PLXNA4: variants seen among roughly 807,000 people sequenced by gnomAD.
PLXNA4 encodes plexin-A4.
A neutral mutation model predicts 191.8 loss-of-function variants in PLXNA4; 44 were observed. That is an observed-to-expected ratio of 0.23 (90% CI 0.18 to 0.29). The LOEUF (loss-of-function observed/expected upper bound fraction) is 0.29, where lower values mean the gene tolerates loss of function less well. PLXNA4 is among the 10% of genes least tolerant of loss of function. The pLI, the probability that PLXNA4 is intolerant of heterozygous loss-of-function variation, is 1.00. For synonymous variants in PLXNA4, 1,082 were observed against 1,009.5 expected, an observed-to-expected ratio of 1.07 and a Z score of -1.36; for missense variants, 1,800 against 2,488.8, an observed-to-expected ratio of 0.72 and a Z score of 5.89.
chr7:132,168,485 T>C lies in PLXNA4; in HGVS notation c.4105A>G (p.Ile1369Val). 3 of 1,613,890 alleles carry C rather than the reference T, an allele frequency of 1.9e-6. No individual in the cohort carries two copies. The highest frequency in any genetic ancestry group is 1.7e-6 in the Non-Finnish European group (2 of 1,179,842). Residue 1369 changes from isoleucine to valine, a missense_variant, in exon 22 of 32, where the codon ATC becomes GTC. By Grantham distance (29) the Ile-to-Val change is conservative. Coordinates refer to ENST00000321063, the MANE Select transcript of PLXNA4 (RefSeq NM_020911.2). ...INNKVFLLSF[I>V]RTLESQRSFS... ...CTACGCTGGGACTCAAGCGTGCGGA[T>C]GAAGGACAGCAGGAACACCTTGTTG... is the stretch of plus-strand genomic sequence containing the variant.
intron 15 of PLXNA4, 105 bp from the exon 16 acceptor site, chr7:132,185,568 G>A (rs1796852213): frequency 6.9e-7 from 1 of 1,456,682 alleles, no homozygotes; most frequent in African/African-American, 1.4e-5. Context: ...GATGCTCAGA[G>A]GCCATGGGTG....
chr7:132,333,297 C>T (rs1184671079), intron 3 of PLXNA4, among the ~76,000 whole-genome samples: 1 of 152,196 alleles, frequency 6.6e-6, no homozygotes, highest in African/African-American at 2.4e-5. Context: ...CAATTTGGCA[C>T]AGGTATGCAG....
intron 3 of PLXNA4, among the ~76,000 whole-genome samples, chr7:132,397,375 C>A (rs910527744): frequency 2.6e-5 from 4 of 152,096 alleles, no homozygotes; most frequent in Admixed American, 6.6e-5. Context: ...TACTGAGATG[C>A]GTCTTTGATG....
At chr7:132,396,533 A>G (rs1311851023) in intron 3 of PLXNA4, among the ~76,000 whole-genome samples, 1 of 152,004 alleles carries the variant, frequency 6.6e-6, no homozygotes, top group Non-Finnish European at 1.5e-5. Context: ...CCCTATCACC[A>G]AGTATGGAGT....
intron 3 of PLXNA4, among the ~76,000 whole-genome samples, chr7:132,361,634 G>A (rs1285316630): frequency 6.6e-6 from 1 of 152,218 alleles, no homozygotes; most frequent in African/African-American, 2.4e-5. Context: ...AAGGAGGAAA[G>A]GTTAGAGCAG....
chr7:132,142,617 T>C (rs766377198), intron 29 of PLXNA4, among the ~76,000 whole-genome samples: 25 of 152,218 alleles, frequency 1.6e-4, no homozygotes, highest in African/African-American at 3.9e-4. Flanking sequence ...GCAGGCAGCA[T>C]TGAGGTCTGA....
chr7:132,538,427 C>A lies in PLXNA4; in HGVS notation c.-86-29648G>T, dbSNP rs187002555. 4.1e-4 allele frequency among the ~76,000 whole-genome samples: 63 copies of A among 152,312 alleles called. 1 individual carries two copies. The South Asian group carries it at 5.4e-3, about 13-fold the overall frequency. On this transcript the variant is annotated intron_variant, in intron 1 of 31. Transcript: ENST00000321063. ...GTGAATGGAACTGAAGTGTCCCCAC[C>A]GTCAGGAATTCAGACAGAGCAAGCA...
intron 4 of PLXNA4, among the ~76,000 whole-genome samples, chr7:132,259,175 C>A (rs563620187): frequency 1.3e-5 from 2 of 152,032 alleles, no homozygotes; most frequent in Non-Finnish European, 2.9e-5. Flanking sequence ...AAATGAATAG[C>A]ACAGAAAGCT....
chr7:132,302,402 T>A (rs555896270), intron 3 of PLXNA4, among the ~76,000 whole-genome samples: 2 of 152,116 alleles, frequency 1.3e-5, no homozygotes, highest in African/African-American at 4.8e-5. Flanking sequence ...CTGTACTCAG[T>A]GCAATCCCCA....
intron 2 of PLXNA4, among the ~76,000 whole-genome samples, chr7:132,495,207 C>T (rs1402507339): frequency 6.6e-6 from 1 of 152,202 alleles, no homozygotes; most frequent in Non-Finnish European, 1.5e-5. Context: ...TGTTTTAGCC[C>T]CGGCCCTGGC....
chr7:132,232,450 G>A (rs952469874), intron 5 of PLXNA4, among the ~76,000 whole-genome samples: 25 of 152,080 alleles, frequency 1.6e-4, no homozygotes, highest in African/African-American at 5.8e-4. Context: ...GCAGGAAGCC[G>A]ACCCCAAGAG....
intron 2 of PLXNA4, among the ~76,000 whole-genome samples, chr7:132,614,096 G>C (rs1377003952): frequency 6.6e-6 from 1 of 152,192 alleles, no homozygotes; most frequent in Admixed American, 6.5e-5. Flanking sequence ...AATGTAATGT[G>C]AGTCACATTT....
intron 4 of PLXNA4, among the ~76,000 whole-genome samples, chr7:132,285,011 G>A (rs765099666): frequency 1.3e-5 from 2 of 152,082 alleles, no homozygotes; most frequent in Non-Finnish European, 2.9e-5. Flanking sequence ...CACCACACCT[G>A]GCATAGGTGG....
intron 1 of PLXNA4, among the ~76,000 whole-genome samples, chr7:132,574,097 T>C (rs1340299865): frequency 6.6e-6 from 1 of 152,342 alleles, no homozygotes; most frequent in South Asian, 2.1e-4. Context: ...TAATGCTAAG[T>C]GCAGAAAGTG....
At chr7:132,456,391 G>A (rs946484332) in intron 3 of PLXNA4, among the ~76,000 whole-genome samples, 2 of 152,168 alleles carry the variant, frequency 1.3e-5, no homozygotes, top group Non-Finnish European at 2.9e-5. Flanking sequence ...AGGATTACAG[G>A]TGTGAGCCAC....
intron 1 of PLXNA4, among the ~76,000 whole-genome samples, chr7:132,542,961 C>T (rs147383896): frequency 4.3e-4 from 66 of 152,212 alleles, no homozygotes; most frequent in African/African-American, 1.5e-3. Context: ...CTGATAATTG[C>T]ACTGGAAATT....
intron 2 of PLXNA4, among the ~76,000 whole-genome samples, chr7:132,631,474 G>A (rs924167219): frequency 2.6e-4 from 39 of 152,154 alleles, no homozygotes; most frequent in African/African-American, 8.7e-4. Flanking sequence ...TGGGGAGTAG[G>A]GAGATAGGCA....
At chr7:132,560,528 CA>C (rs1346305569) in intron 1 of PLXNA4, among the ~76,000 whole-genome samples, 2 of 152,142 alleles carry the variant, frequency 1.3e-5, no homozygotes, top group East Asian at 3.9e-4. Flanking sequence ...CCTAAGTCTG[CA>C]ACTGGGTCCA....
At chr7:132,136,290 A>C (rs1795110243) in intron 30 of PLXNA4, among the ~76,000 whole-genome samples, 1 of 152,200 alleles carries the variant, frequency 6.6e-6, no homozygotes, top group Non-Finnish European at 1.5e-5. Flanking sequence ...AAGGAACTTT[A>C]AACAAGCATT....
Sources: allele counts gnomAD v4.1 joint callset (sites outside exome capture counted in the v4.1 genomes callset), GRCh38; gene constraint gnomAD v4.1.1; transcripts MANE v1.5; gene names NCBI Gene and HGNC (gene_info 2026-07-23, HGNC 2026-07-21).